GRIA1: variants seen among roughly 807,000 people sequenced by gnomAD.
GRIA1 encodes the protein glutamate ionotropic receptor AMPA type subunit 1.
In GRIA1, 31 loss-of-function variants were observed where a neutral mutation model predicts 99.2. The observed-to-expected ratio is 0.31, with a 90% CI of 0.23 to 0.42. The LOEUF (loss-of-function observed/expected upper bound fraction) is 0.42, where lower values mean the gene tolerates loss of function less well. GRIA1 is among the 10% of genes least tolerant of loss of function. The pLI, the probability that GRIA1 is intolerant of heterozygous loss-of-function variation, is 1.00. For synonymous variants in GRIA1, 438 were observed against 432.4 expected (o/e 1.01, Z -0.16); for missense variants, 782 against 1,157.5 (o/e 0.68, Z 4.71).
At chr5:153,668,081 C>G (rs1235977050) in intron 5 of GRIA1, among the ~76,000 whole-genome samples, 1 of 152,176 alleles carries the variant, frequency 6.6e-6, no homozygotes, top group Admixed American at 6.5e-5. Context: ...AGCCATATAA[C>G]CTTAAGCCAC....
At chr5:153,733,762 A>G (rs1761196827) in intron 11 of GRIA1, among the ~76,000 whole-genome samples, 1 of 152,170 alleles carries the variant, frequency 6.6e-6, no homozygotes, top group Non-Finnish European at 1.5e-5. Context: ...AACAACAGAC[A>G]AAGGGCATCA....
intron 11 of GRIA1, among the ~76,000 whole-genome samples, chr5:153,729,311 C>G (rs1760832831): frequency 6.6e-6 from 1 of 151,774 alleles, no homozygotes; most frequent in South Asian, 2.1e-4. Context: ...GTGCAGCACA[C>G]CAGCATGGCA....
chr5:153,578,885 G>C (rs996982345), intron 2 of GRIA1, among the ~76,000 whole-genome samples: 4 of 152,128 alleles, frequency 2.6e-5, no homozygotes, highest in African/African-American at 9.7e-5. Context: ...TCCAGCCTGG[G>C]TGACAGAGGG....
At chr5:153,605,958 G>A (rs1765401951) in intron 2 of GRIA1, among the ~76,000 whole-genome samples, 1 of 152,140 alleles carries the variant, frequency 6.6e-6, no homozygotes, top group African/African-American at 2.4e-5. Flanking sequence ...CTTGAATGCA[G>A]TCCAATTTAT....
At chr5:153,749,513 AC>A (rs781048089) in intron 11 of GRIA1, among the ~76,000 whole-genome samples, 3 of 152,198 alleles carry the variant, frequency 2.0e-5, no homozygotes, top group Non-Finnish European at 4.4e-5. Context: ...TGTGCAGATC[AC>A]ATGGAGAGAG....
intron 2 of GRIA1, among the ~76,000 whole-genome samples, chr5:153,610,158 G>A (rs1032425988): frequency 6.6e-6 from 1 of 152,148 alleles, no homozygotes; most frequent in Non-Finnish European, 1.5e-5. Context: ...TGTGAGACCA[G>A]GACAGTGTTG....
Position 153,788,718 on chromosome 5 carries a change from G to A in GRIA1, c.2271-5903G>A, listed in dbSNP as rs558479161. ...TAAGCCTTACTAGGGCATGAACCATGTTTGTCTTATGCATTAGTACATACC... is the reference window on the plus strand; with the variant it reads ...TAAGCCTTACTAGGGCATGAACCATATTTGTCTTATGCATTAGTACATACC... On this transcript the variant is annotated intron_variant, in intron 13 of 15. Transcript: ENST00000285900. Among the ~76,000 whole-genome samples, 309 of 152,288 alleles carry A rather than the reference G, an allele frequency of 2.0e-3. 1 individual carries two copies. Among genetic ancestry groups the A allele is most frequent in the Non-Finnish European group, 3.6e-3 (245 of 68,024 alleles).
intron 2 of GRIA1, among the ~76,000 whole-genome samples, chr5:153,556,371 C>G (rs1028153926): frequency 1.3e-5 from 2 of 152,166 alleles, no homozygotes; most frequent in African/African-American, 4.8e-5. Flanking sequence ...TGTCTCCTAG[C>G]TCCCAGTCCA....
rs142420782 is a variant in GRIA1 at position 153,686,296 on chromosome 5, C to T, written c.1101C>T (p.His367=). Residue 367 remains histidine (H), a synonymous_variant, in exon 8 of 16, where the codon CAC becomes CAT. Transcript: ENST00000285900. ...EKGRRTNYTL[H]VIEMKHDGIR... is the part of the protein sequence containing the mutation. Reference sequence around the variant, plus strand: ...GACGCCGGACCAACTACACGCTCCACGTGATTGAAATGAAACATGACGGCA... The same window carrying T: ...GACGCCGGACCAACTACACGCTCCATGTGATTGAAATGAAACATGACGGCA... 88 of 1,613,838 alleles carry T rather than the reference C, an allele frequency of 5.5e-5. No individual in the cohort carries two copies. In the East Asian group the frequency reaches 8.9e-4, roughly 16 times the overall value.
chr5:153,520,554 T>G (rs1757043152), intron 2 of GRIA1, among the ~76,000 whole-genome samples: 1 of 152,092 alleles, frequency 6.6e-6, no homozygotes, highest in Admixed American at 6.6e-5. Flanking sequence ...ATTGTCTTTG[T>G]GGGGGCCCAT....
At chr5:153,724,551 A>G (rs1760354072) in intron 11 of GRIA1, among the ~76,000 whole-genome samples, 1 of 152,268 alleles carries the variant, frequency 6.6e-6, no homozygotes, top group Non-Finnish European at 1.5e-5. Flanking sequence ...GAAGTGCTCA[A>G]AGGAGCTGAT....
chr5:153,613,825 A>G (rs1766221933), intron 2 of GRIA1, among the ~76,000 whole-genome samples: 1 of 152,200 alleles, frequency 6.6e-6, no homozygotes, highest in African/African-American at 2.4e-5. Context: ...CAGGCCAGAA[A>G]GGAAACCATG....
chr5:153,558,551 T>C (rs1760851264), intron 2 of GRIA1, among the ~76,000 whole-genome samples: 1 of 152,108 alleles, frequency 6.6e-6, no homozygotes, highest in East Asian at 1.9e-4. Context: ...GTTCACATTG[T>C]TGTGTGTATT....
chr5:153,683,553 G>T lies in GRIA1; in HGVS notation c.1030-2672G>T, dbSNP rs145448363. 3.0e-3 allele frequency among the ~76,000 whole-genome samples: 450 copies of T among 152,272 alleles called. 4 individuals are homozygous for T. The highest frequency in any genetic ancestry group is 0.01 in the African/African-American group (420 of 41,550). On this transcript the variant is annotated intron_variant, in intron 7 of 15. Coordinates refer to ENST00000285900, the MANE Select transcript of GRIA1 (RefSeq NM_000827.4). Reference sequence around the variant, plus strand: ...TGTGAGATCACCGTGACAGTGCAAGGGGTCCTTGGGTCACTAGAACTGTGC... The same window carrying T: ...TGTGAGATCACCGTGACAGTGCAAGTGGTCCTTGGGTCACTAGAACTGTGC...
At chr5:153,599,994 C>A (rs12658202) in intron 2 of GRIA1, among the ~76,000 whole-genome samples, 70,551 of 151,802 alleles carry the variant, frequency 0.46, 17,303 homozygotes, top group Non-Finnish European at 0.55. Context: ...AGATGAAGCC[C>A]GCTAGATAAG....
At chr5:153,797,672 TCTC>T (rs749756660) in intron 14 of GRIA1, among the ~76,000 whole-genome samples, 3 of 152,184 alleles carry the variant, frequency 2.0e-5, no homozygotes, top group African/African-American at 4.8e-5. Context: ...AGCCACATCA[TCTC>T]CTCAATGCAA....
rs575136570 is a variant in GRIA1, at chr5:153,659,115, C to T, written c.699+3243C>T. Among the ~76,000 whole-genome samples, 9 of 152,244 alleles carry T rather than the reference C, an allele frequency of 5.9e-5. No individual in the cohort carries two copies. The East Asian group carries it at 1.7e-3, about 29-fold the overall frequency. Reference sequence around the variant, plus strand: ...ATTGAGAACAATAATTCCTACTCTACCTACTCATAGTGTCACTGGGGAGAC... The same window carrying T: ...ATTGAGAACAATAATTCCTACTCTATCTACTCATAGTGTCACTGGGGAGAC... On this transcript the variant is annotated intron_variant, in intron 5 of 15. Coordinates refer to ENST00000285900, the MANE Select transcript of GRIA1 (RefSeq NM_000827.4).
chr5:153,773,417 A>G (rs1291479173), intron 13 of GRIA1, among the ~76,000 whole-genome samples: 1 of 152,124 alleles, frequency 6.6e-6, no homozygotes, highest in Non-Finnish European at 1.5e-5. Flanking sequence ...GAGCCAAATA[A>G]CCACCAACTT....
At chr5:153,618,493 G>A (rs574849280) in intron 2 of GRIA1, among the ~76,000 whole-genome samples, 4 of 152,172 alleles carry the variant, frequency 2.6e-5, no homozygotes, top group Non-Finnish European at 5.9e-5. Flanking sequence ...CAGCAGGTGG[G>A]TGTAGACTGG....
Sources: gnomAD v4.1 joint callset for allele counts (sites outside exome capture counted in the v4.1 genomes callset) on GRCh38, gnomAD v4.1.1 for gene constraint, MANE v1.5 for transcripts, NCBI Gene and HGNC (gene_info 2026-07-23, HGNC 2026-07-21) for gene names.